The following TRPM3 variants were observed in gnomAD, a reference collection of about 807,000 sequenced individuals.
TRPM3 encodes the protein long transient receptor potential channel 3.
TRPM3 carries 77 observed loss-of-function variants against 181.2 expected under a neutral mutation model. The ratio of observed to expected loss-of-function variants is 0.42; its 90% CI spans 0.35 to 0.51. The LOEUF (loss-of-function observed/expected upper bound fraction) is 0.51, where lower values mean the gene tolerates loss of function less well. Among genes scored for constraint, TRPM3 ranks in the 20% least tolerant of loss-of-function variants. The pLI, the probability that TRPM3 is intolerant of heterozygous loss-of-function variation, is 0.01. For missense variants in TRPM3, 1,759 were observed against 2,196.7 expected (o/e 0.80, Z 3.98); for synonymous variants, 745 against 796.4 (o/e 0.94, Z 1.09).
At chr9:71,279,038 AAAAAATAAAAAT>A (rs746792776) in intron 1 of TRPM3, among the ~76,000 whole-genome samples, 7 of 94,832 alleles carry the variant, frequency 7.4e-5, no homozygotes, top group Admixed American at 6.3e-4. Context: ...CTTAGGTTAA[AAAAAATAAAAAT>A]AAAAATAAAA....
chr9:71,406,017 T>C (rs1467363264), intron 1 of TRPM3, among the ~76,000 whole-genome samples: 2 of 152,190 alleles, frequency 1.3e-5, no homozygotes, highest in African/African-American at 4.8e-5. Flanking sequence ...GGCTCACACC[T>C]GTAATCCCAG....
chr9:71,152,269 C>T (rs2075775451), intron 1 of TRPM3, among the ~76,000 whole-genome samples: 1 of 152,082 alleles, frequency 6.6e-6, no homozygotes, highest in African/African-American at 2.4e-5. Context: ...AAAACCAAGT[C>T]ACTTGAGAGG....
intron 1 of TRPM3, among the ~76,000 whole-genome samples, chr9:71,155,307 A>G (rs1047143766): frequency 7.9e-5 from 12 of 151,850 alleles, no homozygotes; most frequent in African/African-American, 2.9e-4. Context: ...ACTATATGCC[A>G]AAGTTCCTAT....
intron 5 of TRPM3, among the ~76,000 whole-genome samples, chr9:70,835,933 T>C (rs929845976): frequency 4.6e-5 from 7 of 152,098 alleles, no homozygotes; most frequent in Non-Finnish European, 5.9e-5. Context: ...GGGAAGATGA[T>C]AGTAATGCTA....
At chr9:71,381,029 G>A (rs569798471) in intron 1 of TRPM3, among the ~76,000 whole-genome samples, 84 of 152,166 alleles carry the variant, frequency 5.5e-4, no homozygotes, top group African/African-American at 2.0e-3. Flanking sequence ...ATAAGCAAGT[G>A]TGAGATTGGT....
intron 21 of TRPM3, among the ~76,000 whole-genome samples, chr9:70,591,710 AAAAAC>A (rs1315535787): frequency 1.3e-5 from 2 of 152,226 alleles, no homozygotes; most frequent in Non-Finnish European, 2.9e-5. Flanking sequence ...TGGAAAGCTC[AAAAAC>A]AAAACAAAAC....
At chr9:71,092,885 T>C (rs951889285) in intron 1 of TRPM3, among the ~76,000 whole-genome samples, 7 of 152,090 alleles carry the variant, frequency 4.6e-5, no homozygotes, top group African/African-American at 1.7e-4. Flanking sequence ...ATGGTACTGG[T>C]ACCAAAACAG....
intron 1 of TRPM3, among the ~76,000 whole-genome samples, chr9:70,918,403 A>C (rs902221736): frequency 6.6e-6 from 1 of 152,198 alleles, no homozygotes; most frequent in Non-Finnish European, 1.5e-5. Flanking sequence ...CATTAAAAAA[A>C]GTTGAGATAG....
intron 1 of TRPM3, among the ~76,000 whole-genome samples, chr9:71,056,181 G>C (rs1486581712): frequency 1.3e-5 from 2 of 151,962 alleles, no homozygotes; most frequent in African/African-American, 4.8e-5. Flanking sequence ...ATTGGGACTA[G>C]AAAAATTGAG....
At chr9:71,182,158 A>AT (rs1245725680) in intron 1 of TRPM3, among the ~76,000 whole-genome samples, 3 of 152,064 alleles carry the variant, frequency 2.0e-5, no homozygotes, top group Non-Finnish European at 2.9e-5. Context: ...TATATGATGC[A>AT]TTTTTTTTCT....
intron 8 of TRPM3, among the ~76,000 whole-genome samples, chr9:70,739,150 C>T (rs1418473956): frequency 6.6e-6 from 1 of 152,104 alleles, no homozygotes; most frequent in Non-Finnish European, 1.5e-5. Context: ...CACCCTAATA[C>T]CAAAACCAGG....
chr9:71,135,170 C>G (rs750830401), intron 1 of TRPM3, among the ~76,000 whole-genome samples: 39 of 152,204 alleles, frequency 2.6e-4, no homozygotes, highest in Non-Finnish European at 2.2e-4. Context: ...ATGTCATCTT[C>G]CATTGGTATC....
chr9:70,672,079 G>A (rs776561115), intron 9 of TRPM3, among the ~76,000 whole-genome samples: 1 of 151,902 alleles, frequency 6.6e-6, no homozygotes, highest in Non-Finnish European at 1.5e-5. Context: ...TCTTTTAGTT[G>A]CTTTTAGTCT....
At chr9:70,794,459 T>C (rs1020951389) in intron 6 of TRPM3, among the ~76,000 whole-genome samples, 1 of 152,134 alleles carries the variant, frequency 6.6e-6, no homozygotes, top group Admixed American at 6.5e-5. Flanking sequence ...CCTGGCAACA[T>C]GGACCCCAAG....
chr9:70,629,215 C>CGGGGGGGGG (rs550040624), intron 12 of TRPM3, among the ~76,000 whole-genome samples: 4 of 10,166 alleles, frequency 3.9e-4, no homozygotes, highest in Admixed American at 2.4e-3. Context: ...TGACCAGTGC[C>CGGGGGGGGG]GGGGGGGGGG....
intron 1 of TRPM3, among the ~76,000 whole-genome samples, chr9:71,049,066 A>G (rs954816065): frequency 2.0e-5 from 3 of 152,164 alleles, no homozygotes; most frequent in African/African-American, 7.2e-5. Flanking sequence ...GGGAAATATG[A>G]CAAATGACTC....
intron 1 of TRPM3, among the ~76,000 whole-genome samples, chr9:71,024,523 A>G (rs2097875744): frequency 6.6e-6 from 1 of 152,182 alleles, no homozygotes; most frequent in South Asian, 2.1e-4. Context: ...GTGGTAGAGT[A>G]TAATTCTTAC....
chr9:70,998,820 A>T (rs142676903), intron 1 of TRPM3, among the ~76,000 whole-genome samples: 17 of 152,262 alleles, frequency 1.1e-4, no homozygotes, highest in African/African-American at 3.9e-4. Context: ...AAGTCCTAGA[A>T]CTGCATTTAC....
At chr9:71,033,110 G>C (rs1423876459) in intron 1 of TRPM3, among the ~76,000 whole-genome samples, 3 of 152,244 alleles carry the variant, frequency 2.0e-5, no homozygotes, top group Non-Finnish European at 2.9e-5. Flanking sequence ...CTTGAAGCAA[G>C]AGGAAATGTG....
Sources: allele counts gnomAD v4.1 joint callset (sites outside exome capture counted in the v4.1 genomes callset), GRCh38; gene constraint gnomAD v4.1.1; transcripts MANE v1.5; gene names NCBI Gene and HGNC (gene_info 2026-07-23, HGNC 2026-07-21).